The following LINGO2 variants were observed in gnomAD, a reference collection of about 807,000 sequenced individuals.
LINGO2 encodes leucine rich repeat and Ig domain containing 2.
LINGO2 carries 14 observed loss-of-function variants against 30.6 expected under a neutral mutation model. The observed-to-expected ratio is 0.46, with a 90% CI of 0.30 to 0.72. The LOEUF (loss-of-function observed/expected upper bound fraction) is 0.72. Among genes scored for constraint, LINGO2 ranks in the 30% least tolerant of loss-of-function variants. LINGO2 has a pLI of 0.07. For synonymous variants in LINGO2, 317 were observed against 288.5 expected (o/e 1.10, Z -1.00); for missense variants, 729 against 751.7 (o/e 0.97, Z 0.35).
the LINGO2 span, among the ~76,000 whole-genome samples, chr9:28,981,513 A>T: frequency 6.6e-6 from 1 of 152,046 alleles, no homozygotes; most frequent in East Asian, 1.9e-4. Context: ...ATTCCCTTAT[A>T]CATCACTTTC....
intron 1 of LINGO2, among the ~76,000 whole-genome samples, chr9:28,590,820 A>G (rs548159712): frequency 0.15 from 22,259 of 152,176 alleles, 2,186 homozygotes; most frequent in Admixed American, 0.27. Flanking sequence ...ATATACCCAA[A>G]GGATTATAAA....
At chr9:28,424,544 C>T (rs946585098) in intron 2 of LINGO2, among the ~76,000 whole-genome samples, 29 of 152,098 alleles carry the variant, frequency 1.9e-4, no homozygotes, top group African/African-American at 7.0e-4. Context: ...AACAACTGAC[C>T]AGCAGAATCA....
intron 4 of LINGO2, among the ~76,000 whole-genome samples, chr9:28,078,628 A>T (rs899259930): frequency 3.4e-5 from 5 of 148,256 alleles, no homozygotes; most frequent in African/African-American, 1.3e-4. Context: ...AGGCGGGCGG[A>T]TCACCTGAGG....
At chr9:28,493,972 C>A (rs1240322300) in intron 1 of LINGO2, among the ~76,000 whole-genome samples, 2 of 152,068 alleles carry the variant, frequency 1.3e-5, no homozygotes, top group South Asian at 2.1e-4. Context: ...TATTGTGGAA[C>A]CTCATCTTGT....
chr9:28,629,703 G>A (rs932749644), intron 1 of LINGO2, among the ~76,000 whole-genome samples: 1 of 151,950 alleles, frequency 6.6e-6, no homozygotes, highest in Non-Finnish European at 1.5e-5. Context: ...TTTCCATCTG[G>A]CAGATGGTAG....
chr9:29,155,570 T>A, the LINGO2 span, among the ~76,000 whole-genome samples: 13 of 148,212 alleles, frequency 8.8e-5, no homozygotes, highest in Middle Eastern at 3.5e-3. Flanking sequence ...TTTTTTTTTT[T>A]ACAATAATCT....
At chr9:28,346,207 T>A (rs1026212558) in intron 3 of LINGO2, among the ~76,000 whole-genome samples, 4 of 152,178 alleles carry the variant, frequency 2.6e-5, no homozygotes, top group Non-Finnish European at 5.9e-5. Flanking sequence ...CCTCCCACCC[T>A]CAGTCTTCAA....
chr9:28,433,322 G>T, intron 2 of LINGO2, among the ~76,000 whole-genome samples: 1 of 134,954 alleles, frequency 7.4e-6, no homozygotes, highest in South Asian at 2.3e-4. Context: ...TCAGCCACTG[G>T]GTGTACTCCA....
chr9:28,671,987 T>C (rs1457129348), upstream of LINGO2, among the ~76,000 whole-genome samples: 1 of 152,142 alleles, frequency 6.6e-6, no homozygotes, highest in Non-Finnish European at 1.5e-5. Context: ...TATATATTTC[T>C]TATTATGTGC....
intron 2 of LINGO2, among the ~76,000 whole-genome samples, chr9:28,436,105 GT>G (rs1233456631): frequency 2.0e-5 from 3 of 152,118 alleles, no homozygotes; most frequent in Non-Finnish European, 4.4e-5. Flanking sequence ...CCACTCCACA[GT>G]TTCTCAGAAG....
chr9:29,138,911 T>A, the LINGO2 span, among the ~76,000 whole-genome samples: 3 of 152,092 alleles, frequency 2.0e-5, no homozygotes, highest in Non-Finnish European at 4.4e-5. Flanking sequence ...AATAATCCCC[T>A]CCAGAGTATG....
At chr9:28,631,760 T>C (rs1261440934) in intron 1 of LINGO2, among the ~76,000 whole-genome samples, 2 of 152,080 alleles carry the variant, frequency 1.3e-5, no homozygotes, top group Admixed American at 1.3e-4. Context: ...TGGAGGACAG[T>C]GAAATTTGGG....
At chr9:27,979,962 C>A (rs1820777569) in intron 5 of LINGO2, among the ~76,000 whole-genome samples, 1 of 151,930 alleles carries the variant, frequency 6.6e-6, no homozygotes, top group Non-Finnish European at 1.5e-5. Context: ...TGGGTAGTCA[C>A]CATCTCTCAC....
chr9:28,793,122 T>C, the LINGO2 span, among the ~76,000 whole-genome samples: 1 of 152,140 alleles, frequency 6.6e-6, no homozygotes, highest in East Asian at 1.9e-4. Flanking sequence ...TACTTTAATA[T>C]TGTCATCCTT....
chr9:28,639,132 G>T (rs572734886), intron 1 of LINGO2, among the ~76,000 whole-genome samples: 2 of 152,274 alleles, frequency 1.3e-5, no homozygotes, highest in African/African-American at 4.8e-5. Flanking sequence ...GAGCGGTTTT[G>T]AGTGAGTTTC....
At chr9:28,491,438 C>T (rs140424024) in intron 1 of LINGO2, among the ~76,000 whole-genome samples, 3 of 152,242 alleles carry the variant, frequency 2.0e-5, no homozygotes, top group African/African-American at 7.2e-5. Context: ...ACCACACATG[C>T]AAAATCTATG....
At chr9:27,967,751 A>C (rs1043079782) in intron 5 of LINGO2, among the ~76,000 whole-genome samples, 1 of 152,170 alleles carries the variant, frequency 6.6e-6, no homozygotes, top group African/African-American at 2.4e-5. Context: ...ACATCTTGCC[A>C]TAGTAAGGTT....
At chr9:28,542,595 A>G (rs1326063651) in intron 1 of LINGO2, among the ~76,000 whole-genome samples, 1 of 152,134 alleles carries the variant, frequency 6.6e-6, no homozygotes, top group Non-Finnish European at 1.5e-5. Context: ...ATGAGGCCTA[A>G]GAAGAAAATT....
At chr9:28,938,311 G>C in the LINGO2 span, among the ~76,000 whole-genome samples, 9 of 152,256 alleles carry the variant, frequency 5.9e-5, no homozygotes, top group African/African-American at 1.9e-4. Flanking sequence ...TATAGAACAT[G>C]CTTTCTCATT....
Sources: allele counts gnomAD v4.1 joint callset (sites outside exome capture counted in the v4.1 genomes callset), GRCh38; gene constraint gnomAD v4.1.1; transcripts MANE v1.5; gene names NCBI Gene and HGNC (gene_info 2026-07-23, HGNC 2026-07-21).